IL1RAPL1: variants seen among roughly 807,000 people sequenced by gnomAD.
The protein encoded by IL1RAPL1 is interleukin 1 receptor accessory protein like 1, also known as interleukin-1 receptor accessory protein-like 1.
In IL1RAPL1, 3 loss-of-function variants were observed where a neutral mutation model predicts 48.4. The observed-to-expected ratio is 0.06, with a 90% CI of 0.03 to 0.16. The LOEUF (loss-of-function observed/expected upper bound fraction) is 0.16. Among genes scored for constraint, IL1RAPL1 ranks in the 10% least tolerant of loss-of-function variants. The probability of loss-of-function intolerance (pLI) is 1.00; values close to 1 mark genes in which losing one functional copy is unlikely to be tolerated. For synonymous variants in IL1RAPL1, 185 were observed against 187.7 expected (o/e 0.99, Z 0.12); for missense variants, 349 against 530.6 (o/e 0.66, Z 3.36).
chrX:29,187,778 C>T (rs1930280254), intron 2 of IL1RAPL1, among the ~76,000 whole-genome samples: 2 of 111,604 alleles, frequency 1.8e-5, no homozygotes, highest in South Asian at 3.7e-4. Flanking sequence ...CCCTTACTCC[C>T]CTATCCTCAT....
intron 2 of IL1RAPL1, among the ~76,000 whole-genome samples, chrX:28,911,376 C>T (rs1923355326): frequency 1.8e-5 from 2 of 110,939 alleles, no homozygotes; most frequent in South Asian, 7.5e-4. Context: ...GAGAATAATA[C>T]AGATTTCAAA....
At chrX:29,322,542 G>T (rs1932811475) in intron 3 of IL1RAPL1, among the ~76,000 whole-genome samples, 2 of 112,374 alleles carry the variant, frequency 1.8e-5, no homozygotes, top group African/African-American at 6.5e-5. Flanking sequence ...TGGGATTACA[G>T]GCATGAGCCA....
intron 1 of IL1RAPL1, among the ~76,000 whole-genome samples, chrX:28,784,193 A>G: frequency 8.9e-6 from 1 of 111,979 alleles, no homozygotes; most frequent in East Asian, 2.8e-4. Context: ...TCCCCAGGAA[A>G]TCTATCTCAT....
chrX:28,721,727 G>A (rs1221273939), intron 1 of IL1RAPL1, among the ~76,000 whole-genome samples: 3 of 111,119 alleles, frequency 2.7e-5, no homozygotes, highest in Admixed American at 9.6e-5. Flanking sequence ...TATGGTTTTA[G>A]GTCTGACATT....
At chrX:29,341,863 G>C (rs1933080885) in intron 3 of IL1RAPL1, among the ~76,000 whole-genome samples, 1 of 111,321 alleles carries the variant, frequency 9.0e-6, no homozygotes, top group African/African-American at 3.3e-5. Context: ...CTGGAGTGCA[G>C]TGGGATGATC....
rs771288996 is a variant in IL1RAPL1 at position 29,472,487 on chromosome X, G to A, written c.703+73179G>A. ...TGTTTATAAGTTAGATTTTGGAACTGTATACCTGTCAAGGCCAGACTAATT... is the reference window on the plus strand; with the variant it reads ...TGTTTATAAGTTAGATTTTGGAACTATATACCTGTCAAGGCCAGACTAATT... On this transcript the variant is annotated intron_variant, in intron 5 of 10. Transcript: ENST00000378993. Among the ~76,000 whole-genome samples, 499 of 112,024 alleles carry A rather than the reference G, an allele frequency of 4.5e-3. 3 individuals carry two copies. Among genetic ancestry groups the A allele is most frequent in the African/African-American group, 0.016 (483 of 30,898 alleles).
At chrX:29,041,883 C>T (rs762809006) in intron 2 of IL1RAPL1, among the ~76,000 whole-genome samples, 3 of 111,620 alleles carry the variant, frequency 2.7e-5, no homozygotes, top group Admixed American at 9.5e-5. Context: ...TCCTCCTTAT[C>T]GAAAATCAAT....
chrX:29,047,865 T>A (rs1170790705), intron 2 of IL1RAPL1, among the ~76,000 whole-genome samples: 1 of 110,816 alleles, frequency 9.0e-6, no homozygotes, highest in Non-Finnish European at 1.9e-5. Flanking sequence ...AACCTTTTTT[T>A]AAAGTTTTCC....
At position 29,953,721 on chromosome X, in the gene IL1RAPL1, C is replaced by G. The variant is rs1038574829; in HGVS notation, c.1202-801C>G. ...ACTGACTCCTAGTAAAAAATTAATT[C>G]TCACAAGTTTGGTTTTATTTTCTCC... On this transcript the variant is annotated intron_variant, in intron 9 of 10. Coordinates refer to ENST00000378993, the MANE Select transcript of IL1RAPL1 (RefSeq NM_014271.4). 1.8e-4 allele frequency among the ~76,000 whole-genome samples: 20 copies of G among 111,581 alleles called. 1 individual carries two copies. Among genetic ancestry groups the G allele is most frequent in the African/African-American group, 6.2e-4 (19 of 30,655 alleles).
At chrX:29,754,916 C>G (rs948363520) in intron 6 of IL1RAPL1, among the ~76,000 whole-genome samples, 1 of 112,622 alleles carries the variant, frequency 8.9e-6, no homozygotes, top group Non-Finnish European at 1.9e-5. Flanking sequence ...ATGCTGGGTC[C>G]TTTGCTTCAC....
intron 6 of IL1RAPL1, among the ~76,000 whole-genome samples, chrX:29,720,311 T>C (rs1342780934): frequency 5.4e-5 from 6 of 112,018 alleles, no homozygotes; most frequent in Non-Finnish European, 1.1e-4. Context: ...CATGTATGTT[T>C]ACTGCAGCAC....
chrX:29,061,120 C>G (rs755417842), intron 2 of IL1RAPL1, among the ~76,000 whole-genome samples: 25 of 110,566 alleles, frequency 2.3e-4, no homozygotes, highest in Admixed American at 6.8e-4. Context: ...ATTGTAACCA[C>G]CAATATCATA....
intron 2 of IL1RAPL1, among the ~76,000 whole-genome samples, chrX:29,212,222 C>T (rs1408727141): frequency 9.0e-6 from 1 of 111,558 alleles, no homozygotes; most frequent in Non-Finnish European, 1.9e-5. Flanking sequence ...CACTAAAATA[C>T]AGCTGACCCT....
chrX:29,210,023 A>T (rs2147541086), intron 2 of IL1RAPL1, among the ~76,000 whole-genome samples: 1 of 112,219 alleles, frequency 8.9e-6, no homozygotes, highest in South Asian at 3.7e-4. Context: ...TATACTTGGC[A>T]GGTGAAAGTC....
intron 1 of IL1RAPL1, among the ~76,000 whole-genome samples, chrX:28,736,939 T>C: frequency 8.9e-6 from 1 of 112,158 alleles, no homozygotes; most frequent in Non-Finnish European, 1.9e-5. Flanking sequence ...TTCATTCCAT[T>C]AACTTCTTTG....
chrX:28,764,032 C>G (rs1416613656), intron 1 of IL1RAPL1, among the ~76,000 whole-genome samples: 1 of 111,262 alleles, frequency 9.0e-6, no homozygotes, highest in Non-Finnish European at 1.9e-5. Context: ...AAACTCTGCT[C>G]AATTGCTAAA....
chrX:29,277,200 G>A (rs1206642589), intron 2 of IL1RAPL1, among the ~76,000 whole-genome samples: 2 of 111,952 alleles, frequency 1.8e-5, no homozygotes, highest in Non-Finnish European at 3.8e-5. Flanking sequence ...AGGATGACGT[G>A]CATCTGTTTG....
At chrX:29,140,417 C>G (rs899665995) in intron 2 of IL1RAPL1, among the ~76,000 whole-genome samples, 1 of 111,891 alleles carries the variant, frequency 8.9e-6, no homozygotes, top group Non-Finnish European at 1.9e-5. Flanking sequence ...TACCTGTACT[C>G]TACATTTAAA....
At chrX:28,613,717 A>G (rs1934180221) in intron 1 of IL1RAPL1, among the ~76,000 whole-genome samples, 1 of 111,971 alleles carries the variant, frequency 8.9e-6, no homozygotes, top group Admixed American at 9.5e-5. Context: ...GTGCCCATAT[A>G]TGAGACTAAA....
Sources: gnomAD v4.1 joint callset for allele counts (sites outside exome capture counted in the v4.1 genomes callset) on GRCh38, gnomAD v4.1.1 for gene constraint, MANE v1.5 for transcripts, NCBI Gene and HGNC (gene_info 2026-07-23, HGNC 2026-07-21) for gene names.